The following NRXN1 variants were observed in gnomAD, a reference collection of about 807,000 sequenced individuals.
NRXN1 encodes neurexin-1.
A neutral mutation model predicts 150.9 loss-of-function variants in NRXN1; 39 were observed. The observed-to-expected ratio is 0.26, with a 90% CI of 0.20 to 0.34. NRXN1 has a LOEUF of 0.34. Ranked by LOEUF, NRXN1 falls within the 10% of genes least tolerant of loss-of-function variation. The probability of loss-of-function intolerance (pLI) is 1.00; values close to 1 mark genes in which losing one functional copy is unlikely to be tolerated. For missense variants in NRXN1, 1,815 were observed against 1,949.9 expected, an observed-to-expected ratio of 0.93 and a Z score of 1.30; for synonymous variants, 924 against 757.0, an observed-to-expected ratio of 1.22 and a Z score of -3.62.
intron 18 of NRXN1, among the ~76,000 whole-genome samples, chr2:50,193,523 G>T (rs1021767142): frequency 2.6e-5 from 4 of 152,086 alleles, no homozygotes; most frequent in Non-Finnish European, 4.4e-5. Flanking sequence ...ATAACCTTGG[G>T]TAGACTTCTG....
At chr2:50,671,758 T>C (rs935622993) in intron 5 of NRXN1, among the ~76,000 whole-genome samples, 11 of 151,956 alleles carry the variant, frequency 7.2e-5, no homozygotes, top group East Asian at 3.9e-4. Context: ...ACCATCAATA[T>C]ATATTTTGCT....
At chr2:50,024,337 T>C (rs1687971987) in intron 21 of NRXN1, among the ~76,000 whole-genome samples, 2 of 152,166 alleles carry the variant, frequency 1.3e-5, no homozygotes, top group Admixed American at 6.5e-5. Flanking sequence ...TGAGTGTTTT[T>C]CTAAAACATC....
At chr2:50,322,034 CAA>C (rs10707210) in intron 17 of NRXN1, among the ~76,000 whole-genome samples, 4,926 of 117,522 alleles carry the variant, frequency 0.042, 233 homozygotes, top group African/African-American at 0.13. Flanking sequence ...ATTACAACAT[CAA>C]AAAAAAAAAA....
intron 18 of NRXN1, among the ~76,000 whole-genome samples, chr2:50,118,210 T>C (rs1414787090): frequency 6.6e-6 from 1 of 152,186 alleles, no homozygotes; most frequent in African/African-American, 2.4e-5. Context: ...CTTGCATGTC[T>C]TCTGGGAATC....
At chr2:50,940,027 G>C (rs1254756881) in intron 2 of NRXN1, among the ~76,000 whole-genome samples, 1 of 152,128 alleles carries the variant, frequency 6.6e-6, no homozygotes, top group Non-Finnish European at 1.5e-5. Context: ...TATAATACTA[G>C]TCCTGACTTT....
At chr2:50,746,604 G>A (rs1411880766) in intron 5 of NRXN1, among the ~76,000 whole-genome samples, 1 of 151,662 alleles carries the variant, frequency 6.6e-6, no homozygotes, top group African/African-American at 2.4e-5. Context: ...ACAAAAATGT[G>A]GTCTGATTTT....
chr2:50,085,327 T>C (rs1698626248), intron 19 of NRXN1, among the ~76,000 whole-genome samples: 1 of 152,218 alleles, frequency 6.6e-6, no homozygotes, highest in African/African-American at 2.4e-5. Flanking sequence ...TGTTAGACTC[T>C]ACTCAAAATT....
intron 2 of NRXN1, among the ~76,000 whole-genome samples, chr2:51,001,167 G>T (rs961938861): frequency 3.0e-5 from 4 of 132,052 alleles, no homozygotes; most frequent in African/African-American, 1.1e-4. Context: ...ACACAGTAAA[G>T]CTCAAATCGA....
chr2:50,865,589 T>TGC (rs1019141165), intron 5 of NRXN1, among the ~76,000 whole-genome samples: 3 of 147,406 alleles, frequency 2.0e-5, no homozygotes, highest in Non-Finnish European at 3.0e-5. Context: ...AATGTGTGTG[T>TGC]GTGTGTGTGT....
intron 8 of NRXN1, among the ~76,000 whole-genome samples, chr2:50,617,247 A>G (rs1381551055): frequency 6.6e-6 from 1 of 152,068 alleles, no homozygotes; most frequent in Non-Finnish European, 1.5e-5. Flanking sequence ...CACCCTGGCC[A>G]ACATAGAGTG....
chr2:50,476,770 T>C (rs1044403807), intron 15 of NRXN1, among the ~76,000 whole-genome samples: 10 of 152,182 alleles, frequency 6.6e-5, no homozygotes, highest in Admixed American at 6.5e-4. Context: ...CTTACACTAT[T>C]CTAAAAGTAG....
In NRXN1 at chr2:50,646,708, C is replaced by CA. The variant is rs1553923404; in HGVS notation, c.833-23094_833-23093insT. On this transcript the variant is annotated intron_variant, in intron 5 of 22. Transcript: ENST00000401669. Reference sequence around the variant, plus strand: ...TCCTGCCTCTGTACTTTCATGTTGTCTTTTTTTTTTTTTTTTTTTTTCTCT... The same window carrying CA: ...TCCTGCCTCTGTACTTTCATGTTGTCATTTTTTTTTTTTTTTTTTTTTCTCT... Among the ~76,000 whole-genome samples the CA allele has an allele frequency of 7.0e-4, 75 of 107,404 alleles. 1 individual carries two copies. Among genetic ancestry groups the CA allele is most frequent in the African/African-American group, 2.6e-3 (74 of 28,716 alleles). The allele number at this position is 107,404 out of a possible 152,430, so 70.5% of individuals were successfully genotyped here.
chr2:50,503,220 A>C (rs1043246690), intron 13 of NRXN1, among the ~76,000 whole-genome samples: 1 of 152,072 alleles, frequency 6.6e-6, no homozygotes, highest in Non-Finnish European at 1.5e-5. Flanking sequence ...AGACAGGAGA[A>C]TCACTTGAAT....
intron 18 of NRXN1, among the ~76,000 whole-genome samples, chr2:50,224,693 A>AAGAGAGAGAGAGAG (rs201700032): frequency 2.2e-4 from 29 of 130,504 alleles, no homozygotes; most frequent in African/African-American, 4.6e-4. Context: ...GAGAGGGAGA[A>AAGAGAGAGAGAGAG]AGAGAGAGAG....
intron 17 of NRXN1, among the ~76,000 whole-genome samples, chr2:50,344,482 T>C (rs13419023): frequency 0.011 from 1,672 of 152,106 alleles, 21 homozygotes; most frequent in African/African-American, 0.038. Context: ...AACACGACCA[T>C]ACAACAGAAC....
intron 2 of NRXN1, chr2:50,979,287 A>C (rs767383825): frequency 1.9e-6 from 1 of 518,140 alleles, no homozygotes; most frequent in Non-Finnish European, 3.9e-6. Flanking sequence ...TGGAAGGAAG[A>C]GAGAACTTCC....
chr2:50,811,413 CACA>C (rs1668195257), intron 5 of NRXN1, among the ~76,000 whole-genome samples: 1 of 152,166 alleles, frequency 6.6e-6, no homozygotes, highest in African/African-American at 2.4e-5. Flanking sequence ...TAAGTGATGT[CACA>C]GACAAAGAAT....
intron 17 of NRXN1, among the ~76,000 whole-genome samples, chr2:50,325,031 C>G (rs1408477555): frequency 1.3e-5 from 2 of 152,050 alleles, no homozygotes; most frequent in African/African-American, 2.4e-5. Flanking sequence ...ACATTTGGGA[C>G]TGGGGAAATA....
chr2:50,991,653 G>A (rs533578358), intron 2 of NRXN1, among the ~76,000 whole-genome samples: 2 of 152,040 alleles, frequency 1.3e-5, no homozygotes, highest in Admixed American at 6.6e-5. Flanking sequence ...TGCACTTGAA[G>A]GAGAAAAACA....
Sources: allele counts gnomAD v4.1 joint callset (sites outside exome capture counted in the v4.1 genomes callset), GRCh38; gene constraint gnomAD v4.1.1; transcripts MANE v1.5; gene names NCBI Gene and HGNC (gene_info 2026-07-23, HGNC 2026-07-21).